The following CENPP variants were observed in gnomAD, a reference collection of about 807,000 sequenced individuals.
CENPP encodes centromere protein P.
Under a neutral mutation model 35.6 loss-of-function variants are expected in CENPP, and 24 were observed. That is an observed-to-expected ratio of 0.67 (90% CI 0.49 to 0.95). The LOEUF is 0.95. CENPP is among the 40% of genes least tolerant of loss of function. The pLI is 0.00. For synonymous variants in CENPP, 120 were observed against 125.5 expected (o/e 0.96, Z 0.29); for missense variants, 332 against 345.3 (o/e 0.96, Z 0.31).
At chr9:92,472,486 C>T (rs1358953271) in intron 5 of CENPP, among the ~76,000 whole-genome samples, 3 of 152,018 alleles carry the variant, frequency 2.0e-5, no homozygotes, top group African/African-American at 4.8e-5. Flanking sequence ...GGTAAAACCT[C>T]GTCTCTACTA....
At chr9:92,434,511 T>G (rs969729478) in intron 5 of CENPP, among the ~76,000 whole-genome samples, 1 of 151,692 alleles carries the variant, frequency 6.6e-6, no homozygotes, top group Non-Finnish European at 1.5e-5. Context: ...TAAATAAACA[T>G]AAGTATTGGC....
intron 4 of CENPP, among the ~76,000 whole-genome samples, chr9:92,352,539 A>G (rs1484334314): frequency 9.5e-6 from 1 of 105,444 alleles, no homozygotes; most frequent in Non-Finnish European, 1.8e-5. Context: ...ATATATATAT[A>G]ATATAACGGG....
intron 3 of CENPP, among the ~76,000 whole-genome samples, chr9:92,343,587 A>G (rs1179057484): frequency 6.6e-6 from 1 of 152,210 alleles, no homozygotes; most frequent in African/African-American, 2.4e-5. Flanking sequence ...TCTGTTTGAT[A>G]TTAATGACAT....
intron 5 of CENPP, among the ~76,000 whole-genome samples, chr9:92,428,900 CA>C (rs1258991913): frequency 6.8e-6 from 1 of 146,166 alleles, no homozygotes; most frequent in Admixed American, 6.8e-5. Flanking sequence ...CTCACATTGC[CA>C]TGTTTCTGTC....
chr9:92,589,366 A>G (rs1850616863), intron 5 of CENPP, among the ~76,000 whole-genome samples: 1 of 151,806 alleles, frequency 6.6e-6, no homozygotes, highest in Non-Finnish European at 1.5e-5. Context: ...ATTTTTTTTT[A>G]AGAGAAAAAG....
chr9:92,446,026 A>AAAT (rs1379526743), intron 5 of CENPP, among the ~76,000 whole-genome samples: 1 of 152,242 alleles, frequency 6.6e-6, no homozygotes, highest in Non-Finnish European at 1.5e-5. Context: ...CTTCTGTCAT[A>AAAT]AATTCTCCTT....
intron 5 of CENPP, among the ~76,000 whole-genome samples, chr9:92,563,450 A>G (rs1175062572): frequency 6.6e-6 from 1 of 152,234 alleles, no homozygotes; most frequent in East Asian, 1.9e-4. Context: ...ATAATAAAGC[A>G]TAGCTCTTAC....
At chr9:92,481,891 T>C (rs1009722328) in intron 5 of CENPP, among the ~76,000 whole-genome samples, 1 of 152,086 alleles carries the variant, frequency 6.6e-6, no homozygotes, top group African/African-American at 2.4e-5. Flanking sequence ...GAAAAATATA[T>C]TTACTGTTTC....
chr9:92,353,409 A>G (rs1396963256), intron 4 of CENPP, among the ~76,000 whole-genome samples: 5 of 152,166 alleles, frequency 3.3e-5, no homozygotes, highest in African/African-American at 4.8e-5. Context: ...GGCCATTTGT[A>G]GTCCTGTTTG....
rs1336493060 is a variant in CENPP at position 92,417,044 on chromosome 9, T to C, written c.564+37185T>C. On this transcript the variant is annotated intron_variant, in intron 5 of 7. Transcript: ENST00000375587. ...ATTTGTCTGCAGTTTGGAGATTTCA[T>C]TGTAACCAAGAAGGAGTCTTTCCAG... 4.3e-6 allele frequency: 7 copies of C among 1,613,914 alleles called. No individual in the cohort carries two copies. Among genetic ancestry groups the C allele is most frequent in the African/African-American group, 1.3e-5 (1 of 74,916 alleles).
At chr9:92,459,786 A>T (rs1242300782) in intron 5 of CENPP, 1 of 1,611,976 alleles carries the variant, frequency 6.2e-7, no homozygotes, top group South Asian at 1.1e-5. Flanking sequence ...AATGATATAA[A>T]ATGCATCAAG....
intron 5 of CENPP, among the ~76,000 whole-genome samples, chr9:92,521,841 T>A (rs1342531860): frequency 6.6e-6 from 1 of 152,176 alleles, no homozygotes; most frequent in Admixed American, 6.5e-5. Context: ...AATAATTTAT[T>A]TCTGTATTCT....
chr9:92,368,516 T>C (rs576606696), intron 4 of CENPP, among the ~76,000 whole-genome samples: 3 of 152,328 alleles, frequency 2.0e-5, no homozygotes, highest in African/African-American at 7.2e-5. Context: ...CATAAAAATA[T>C]AACTATAGCT....
intron 5 of CENPP, among the ~76,000 whole-genome samples, chr9:92,572,963 A>G (rs1395964628): frequency 4.6e-5 from 7 of 151,932 alleles, no homozygotes; most frequent in Admixed American, 3.9e-4. Context: ...GGTCTTCTCT[A>G]TGCTGTTTAT....
chr9:92,370,802 T>G (rs1841989416), intron 4 of CENPP, among the ~76,000 whole-genome samples: 1 of 152,306 alleles, frequency 6.6e-6, no homozygotes, highest in African/African-American at 2.4e-5. Flanking sequence ...GTTGATTCAA[T>G]CTCACTACTC....
chr9:92,541,057 C>G (rs1342053948), intron 5 of CENPP, among the ~76,000 whole-genome samples: 1 of 151,798 alleles, frequency 6.6e-6, no homozygotes, highest in African/African-American at 2.4e-5. Flanking sequence ...GTCAGGAGTT[C>G]AAGACCAGCC....
At chr9:92,330,395 G>A (rs1045449285) in intron 1 of CENPP, among the ~76,000 whole-genome samples, 5 of 152,208 alleles carry the variant, frequency 3.3e-5, no homozygotes, top group Non-Finnish European at 7.3e-5. Context: ...ATCATTTAGT[G>A]TTCCTGCAGA....
intron 5 of CENPP, among the ~76,000 whole-genome samples, chr9:92,590,488 C>T (rs559973108): frequency 6.6e-6 from 1 of 152,326 alleles, no homozygotes; most frequent in Admixed American, 6.5e-5. Flanking sequence ...GCTATTTTGT[C>T]TTTAAGAAAG....
At chr9:92,393,352 G>A (rs767609008) in intron 5 of CENPP, 28 of 813,252 alleles carry the variant, frequency 3.4e-5, no homozygotes, top group Non-Finnish European at 4.8e-5. Context: ...TTGAAGAGAT[G>A]TTTTACAGAA....
Sources: allele counts gnomAD v4.1 joint callset (sites outside exome capture counted in the v4.1 genomes callset), GRCh38; gene constraint gnomAD v4.1.1; transcripts MANE v1.5; gene names NCBI Gene and HGNC (gene_info 2026-07-23, HGNC 2026-07-21).